The following BBS9 variants were observed in gnomAD, a reference collection of about 807,000 sequenced individuals.
BBS9 encodes the protein protein PTHB1.
In BBS9, 89 loss-of-function variants were observed where a neutral mutation model predicts 117.7. The observed-to-expected ratio is 0.76, with a 90% CI of 0.64 to 0.90. The LOEUF (loss-of-function observed/expected upper bound fraction) is 0.90, where lower values mean the gene tolerates loss of function less well. Ranked by LOEUF, BBS9 falls within the 40% of genes least tolerant of loss-of-function variation. BBS9 has a pLI of 0.00. For synonymous variants in BBS9, 379 were observed against 370.9 expected (o/e 1.02, Z -0.25); for missense variants, 982 against 1,042.2 (o/e 0.94, Z 0.80).
chr7:33,528,918 A>G (rs1850117726), intron 20 of BBS9, among the ~76,000 whole-genome samples: 1 of 152,254 alleles, frequency 6.6e-6, no homozygotes, highest in African/African-American at 2.4e-5. Context: ...AGTGTGGTCA[A>G]ACTTTCTGCT....
chr7:33,475,122 T>G (rs1210517696), intron 19 of BBS9, among the ~76,000 whole-genome samples: 1 of 152,212 alleles, frequency 6.6e-6, no homozygotes, highest in Non-Finnish European at 1.5e-5. Flanking sequence ...AAACTTTTTC[T>G]TAAAGGGCAA....
chr7:33,469,345 C>T (rs1287676623), intron 19 of BBS9, among the ~76,000 whole-genome samples: 1 of 152,118 alleles, frequency 6.6e-6, no homozygotes. Flanking sequence ...TCAGTAAAAT[C>T]AGTGTGCACA....
chr7:33,541,434 A>G (rs1227625071), intron 21 of BBS9, among the ~76,000 whole-genome samples: 3 of 152,216 alleles, frequency 2.0e-5, no homozygotes, highest in Non-Finnish European at 4.4e-5. Flanking sequence ...TTATTTAGAC[A>G]GTTAAAATGA....
chr7:33,382,547 G>C (rs978826147), intron 17 of BBS9, among the ~76,000 whole-genome samples: 2 of 151,928 alleles, frequency 1.3e-5, no homozygotes, highest in African/African-American at 2.4e-5. Context: ...ATGGTTTTAC[G>C]TAGTTAAGTG....
At chr7:33,152,237 C>G (rs1174122065) in intron 2 of BBS9, among the ~76,000 whole-genome samples, 1 of 152,134 alleles carries the variant, frequency 6.6e-6, no homozygotes, top group African/African-American at 2.4e-5. Context: ...CCCATTCTAT[C>G]ATTTCCCCTG....
chr7:33,220,866 T>C (rs1790113313), intron 5 of BBS9, among the ~76,000 whole-genome samples: 1 of 152,232 alleles, frequency 6.6e-6, no homozygotes, highest in African/African-American at 2.4e-5. Flanking sequence ...TTCACTTGGC[T>C]AAGGATAAGG....
chr7:33,211,230 G>T (rs930385235), intron 5 of BBS9, among the ~76,000 whole-genome samples: 2 of 151,938 alleles, frequency 1.3e-5, no homozygotes, highest in South Asian at 2.1e-4. Flanking sequence ...TCTGGTTGTT[G>T]TGTGGTCTTC....
intron 19 of BBS9, among the ~76,000 whole-genome samples, chr7:33,415,521 TCACAGTAAAACAGTAAGA>T (rs1051737538): frequency 3.9e-5 from 6 of 152,124 alleles, no homozygotes; most frequent in Non-Finnish European, 7.4e-5. Context: ...CACTATAAAT[TCACAGTAAAACAGTAAGA>T]CACCATTTCA....
intron 10 of BBS9, among the ~76,000 whole-genome samples, chr7:33,337,065 C>A (rs1458745195): frequency 6.6e-6 from 1 of 152,074 alleles, no homozygotes; most frequent in Non-Finnish European, 1.5e-5. Context: ...TCATTTGCAG[C>A]TTAGTGACAT....
At chr7:33,575,267 T>C (rs1248588434) in intron 21 of BBS9, among the ~76,000 whole-genome samples, 1 of 152,092 alleles carries the variant, frequency 6.6e-6, no homozygotes, top group African/African-American at 2.4e-5. Flanking sequence ...GGTTCAATCA[T>C]GCTGTCATGA....
In BBS9 at chr7:33,487,085, A is replaced by T. The variant is rs964554518; in HGVS notation, c.2116-18378A>T. On this transcript the variant is annotated intron_variant, in intron 19 of 22. Transcript: ENST00000242067. The stretch of plus-strand genomic sequence containing the variant: ...AATTCTTTCTATAAAGTTTTGTGAT[A>T]TTGGAAGTCCTTTGATCCTCACCTT... 3.3e-5 allele frequency among the ~76,000 whole-genome samples: 5 copies of T among 152,330 alleles called. No individual in the cohort carries two copies. In the East Asian group the frequency reaches 5.8e-4, roughly 18 times the overall value.
chr7:33,185,079 T>C (rs1355405072), intron 5 of BBS9, among the ~76,000 whole-genome samples: 1 of 152,220 alleles, frequency 6.6e-6, no homozygotes, highest in Non-Finnish European at 1.5e-5. Flanking sequence ...TCTTTTAGCA[T>C]GCTAATGCAT....
At chr7:33,348,901 G>T (rs1315729590) in intron 12 of BBS9, among the ~76,000 whole-genome samples, 167 bp from the exon 13 acceptor site, 1 of 152,070 alleles carries the variant, frequency 6.6e-6, no homozygotes, top group Non-Finnish European at 1.5e-5. Context: ...GTTTCTACTT[G>T]ATAGAATATT....
At chr7:33,452,141 GA>G (rs1837974846) in intron 19 of BBS9, among the ~76,000 whole-genome samples, 1 of 151,920 alleles carries the variant, frequency 6.6e-6, no homozygotes, top group African/African-American at 2.4e-5. Flanking sequence ...GCCACCAGTG[GA>G]ATTTTGATAT....
chr7:33,246,463 T>A (rs1795348513), intron 5 of BBS9, among the ~76,000 whole-genome samples: 1 of 152,148 alleles, frequency 6.6e-6, no homozygotes, highest in Non-Finnish European at 1.5e-5. Context: ...TTTATGGGAC[T>A]GATATTATTG....
At chr7:33,602,899 T>C (rs1001285525) in intron 21 of BBS9, among the ~76,000 whole-genome samples, 4 of 152,128 alleles carry the variant, frequency 2.6e-5, no homozygotes, top group African/African-American at 9.7e-5. Flanking sequence ...GTATGTGGGA[T>C]AGGGCAAAGA....
At chr7:33,461,715 TAATA>T (rs1839495043) in intron 19 of BBS9, among the ~76,000 whole-genome samples, 1 of 152,072 alleles carries the variant, frequency 6.6e-6, no homozygotes, top group Admixed American at 6.6e-5. Context: ...TTTATGGAGT[TAATA>T]AATATTTACT....
intron 11 of BBS9, among the ~76,000 whole-genome samples, chr7:33,344,078 G>GTTT (rs34530007): frequency 0.011 from 732 of 67,518 alleles, 29 homozygotes; most frequent in African/African-American, 0.036. Flanking sequence ...TAGGGGATGA[G>GTTT]TTTTTTTTTT....
At position 33,605,339 on chromosome 7, in the gene BBS9, C is replaced by A; in HGVS notation, c.*113C>A. On this transcript the variant is annotated 3_prime_UTR_variant, in exon 23 of 23. Coordinates refer to ENST00000242067, the MANE Select transcript of BBS9 (RefSeq NM_198428.3). The stretch of plus-strand genomic sequence containing the variant: ...GGCGCAGGTGCTTCCTAAAGCTCAC[C>A]TTCCTGGAGATGACATGCATAGAAA... 1 of 1,105,350 alleles carries A rather than the reference C, an allele frequency of 9.0e-7. No individual in the cohort carries two copies. The highest frequency in any genetic ancestry group is 1.4e-6 in the Non-Finnish European group (1 of 719,234). The allele number at this position is 1,105,350 out of a possible 1,614,324, so 68.5% of individuals were successfully genotyped here.
Sources: allele counts gnomAD v4.1 joint callset (sites outside exome capture counted in the v4.1 genomes callset), GRCh38; gene constraint gnomAD v4.1.1; transcripts MANE v1.5; gene names NCBI Gene and HGNC (gene_info 2026-07-23, HGNC 2026-07-21).